Variants in ULK4 observed in about 807,000 individuals in gnomAD.
The protein encoded by ULK4 is inactive serine/threonine-protein kinase ULK4.
A neutral mutation model predicts 160.6 loss-of-function variants in ULK4; 133 were observed. The observed-to-expected ratio is 0.83, with a 90% CI of 0.72 to 0.96. The LOEUF (loss-of-function observed/expected upper bound fraction) is 0.96. Ranked by LOEUF, ULK4 falls within the 40% of genes least tolerant of loss-of-function variation. The pLI is 0.00. For synonymous variants in ULK4, 534 were observed against 539.8 expected (o/e 0.99, Z 0.15); for missense variants, 1,580 against 1,499.5 (o/e 1.05, Z -0.89).
intron 34 of ULK4, among the ~76,000 whole-genome samples, chr3:41,424,622 G>C (rs1325196370): frequency 6.6e-6 from 1 of 152,120 alleles, no homozygotes; most frequent in African/African-American, 2.4e-5. Context: ...CCAGGTGTGG[G>C]AGGGACCTAG....
chr3:41,801,591 T>G (rs1024781577), intron 19 of ULK4, among the ~76,000 whole-genome samples: 3 of 151,322 alleles, frequency 2.0e-5, no homozygotes, highest in African/African-American at 4.9e-5. Flanking sequence ...GTCCCATTCC[T>G]GTAATCCCAG....
chr3:41,677,151 C>T (rs2035749805), intron 29 of ULK4, among the ~76,000 whole-genome samples: 1 of 151,756 alleles, frequency 6.6e-6, no homozygotes, highest in African/African-American at 2.4e-5. Flanking sequence ...TCCTGTGATC[C>T]ACCCACCTTG....
intron 22 of ULK4, among the ~76,000 whole-genome samples, chr3:41,731,395 A>T (rs889176610): frequency 2.0e-5 from 3 of 148,610 alleles, no homozygotes; most frequent in Admixed American, 6.6e-5. Context: ...ATAAGTTATA[A>T]AAAAAATTCT....
chr3:41,896,872 C>T lies in ULK4; in HGVS notation c.1480G>A (p.Val494Met), dbSNP rs72864585. 30 of 1,613,274 alleles carry T rather than the reference C, an allele frequency of 1.9e-5. No homozygotes were observed. The highest frequency in any genetic ancestry group is 5.5e-5 in the South Asian group (5 of 91,066). The change falls in exon 15 of 37, where the codon GTG becomes ATG. Residue 494 changes from valine to methionine, a missense_variant. Transcript: ENST00000301831. ...GCCACCTCCTGGTGACCAGCCACCACGCACAAATAGCAAAGGAGATTCAGC... is the reference window on the plus strand; with the variant it reads ...GCCACCTCCTGGTGACCAGCCACCATGCACAAATAGCAAAGGAGATTCAGC... ...AKLNLLCYLCVVAGHQEVATR... is the reference protein window; with the variant it reads ...AKLNLLCYLCMVAGHQEVATR...
intron 32 of ULK4, among the ~76,000 whole-genome samples, chr3:41,506,455 C>T (rs1168898229): frequency 6.6e-6 from 1 of 152,050 alleles, no homozygotes; most frequent in East Asian, 1.9e-4. Flanking sequence ...ATTCATCTAA[C>T]ATTCTTTTCC....
At chr3:41,715,365 GTT>G (rs1372209918) in intron 24 of ULK4, 72 bp from the exon 25 acceptor site, 6 of 1,606,912 alleles carry the variant, frequency 3.7e-6, no homozygotes, top group Non-Finnish European at 5.1e-6. Flanking sequence ...AAAAAAAAAT[GTT>G]TTGAGTTGAG....
chr3:41,436,539 T>C (rs1206945388), intron 34 of ULK4, among the ~76,000 whole-genome samples: 1 of 152,198 alleles, frequency 6.6e-6, no homozygotes, highest in Admixed American at 6.5e-5. Flanking sequence ...GTCCAACCAC[T>C]GTCTTGTAGG....
intron 34 of ULK4, among the ~76,000 whole-genome samples, chr3:41,421,709 T>C (rs9818955): frequency 0.35 from 53,757 of 151,968 alleles, 9,977 homozygotes; most frequent in African/African-American, 0.44. Context: ...AAATGAAAGT[T>C]TTCTTCAATT....
intron 34 of ULK4, among the ~76,000 whole-genome samples, chr3:41,402,137 T>G (rs911764010): frequency 2.0e-5 from 3 of 152,224 alleles, no homozygotes; most frequent in African/African-American, 7.2e-5. Context: ...TTTACTGAGG[T>G]ATAACTGATA....
In ULK4 at chr3:41,327,950, A is replaced by C. The variant is rs536134426; in HGVS notation, c.3678+70129T>G. 3.3e-5 allele frequency among the ~76,000 whole-genome samples: 5 copies of C among 152,314 alleles called. No homozygotes were observed. In the East Asian group the frequency reaches 9.6e-4, roughly 29 times the overall value. On this transcript the variant is annotated intron_variant, in intron 35 of 36. Coordinates refer to ENST00000301831, the MANE Select transcript of ULK4 (RefSeq NM_017886.4). ...GGTGACGGCACAAAAATCAAAGTCA[A>C]ACATCTCTCTTCTTAAGTCGTTTGG... is the stretch of plus-strand genomic sequence containing the variant.
At chr3:41,530,067 G>A (rs904620638) in intron 32 of ULK4, among the ~76,000 whole-genome samples, 16 of 152,178 alleles carry the variant, frequency 1.1e-4, no homozygotes, top group African/African-American at 3.4e-4. Flanking sequence ...GCACAACCTC[G>A]TGAATATACT....
intron 17 of ULK4, among the ~76,000 whole-genome samples, chr3:41,836,383 G>C (rs1559594795): frequency 2.0e-5 from 3 of 152,080 alleles, no homozygotes. Flanking sequence ...ATGTTGGCCA[G>C]GCTGATCTCA....
rs2036817905 is a variant in ULK4 at position 41,704,945 on chromosome 3, T to A, written c.2781+112A>T. 1.6e-5 allele frequency: 12 copies of A among 732,694 alleles called. No individual in the cohort carries two copies. The South Asian group carries it at 2.3e-4, about 14-fold the overall frequency. The allele number at this position is 732,694 out of a possible 1,614,324, so 45.4% of individuals were successfully genotyped here. ...CCAGGGTAGGGGGGTTCTGAATGGT[T>A]ATTTCATGTGAGGAACACATATGAG... On this transcript the variant is annotated intron_variant, in intron 27 of 36. Transcript: ENST00000301831.
chr3:41,378,544 G>A (rs1280183879), intron 35 of ULK4, among the ~76,000 whole-genome samples: 6 of 148,802 alleles, frequency 4.0e-5, no homozygotes, highest in Admixed American at 6.7e-5. Context: ...AAAAAACCAA[G>A]CACCACATGT....
intron 30 of ULK4, among the ~76,000 whole-genome samples, chr3:41,621,297 G>A (rs150343521): frequency 0.043 from 6,535 of 152,194 alleles, 180 homozygotes; most frequent in African/African-American, 0.066. Flanking sequence ...AAAAGAGCCT[G>A]TAGAGCCAAG....
intron 34 of ULK4, among the ~76,000 whole-genome samples, chr3:41,445,454 T>C (rs377373558): frequency 3.0e-4 from 45 of 151,588 alleles, no homozygotes; most frequent in African/African-American, 8.0e-4. Flanking sequence ...GGAGGCATCA[T>C]GCTACCTGAC....
chr3:41,288,500 A>G (rs2079504124), intron 35 of ULK4, among the ~76,000 whole-genome samples: 1 of 152,002 alleles, frequency 6.6e-6, no homozygotes. Context: ...TCTTGGTCTG[A>G]CTCTTGGTAT....
chr3:41,839,520 G>A (rs1448847089), intron 17 of ULK4, among the ~76,000 whole-genome samples: 3 of 150,526 alleles, frequency 2.0e-5, no homozygotes, highest in Non-Finnish European at 3.0e-5. Flanking sequence ...TATAGAAAAT[G>A]AGCAGACATC....
At chr3:41,788,550 C>T (rs1480982703) in intron 21 of ULK4, among the ~76,000 whole-genome samples, 1 of 151,978 alleles carries the variant, frequency 6.6e-6, no homozygotes, top group Non-Finnish European at 1.5e-5. Flanking sequence ...ATTAGCCAGG[C>T]GTGGTGGCGG....
Sources: allele counts gnomAD v4.1 joint callset (sites outside exome capture counted in the v4.1 genomes callset), GRCh38; gene constraint gnomAD v4.1.1; transcripts MANE v1.5; gene names NCBI Gene and HGNC (gene_info 2026-07-23, HGNC 2026-07-21).